Variants in IMMP2L observed in about 807,000 individuals in gnomAD.
IMMP2L encodes inner mitochondrial membrane peptidase subunit 2.
Under a neutral mutation model 19.3 loss-of-function variants are expected in IMMP2L, and 18 were observed. The ratio of observed to expected loss-of-function variants is 0.93; its 90% CI spans 0.64 to 1.38. The LOEUF is 1.38. Among genes scored for constraint, IMMP2L ranks in the 40% most tolerant of loss-of-function variants. The pLI, the probability that IMMP2L is intolerant of heterozygous loss-of-function variation, is 0.00. For synonymous variants in IMMP2L, 76 were observed against 73.0 expected (o/e 1.04, Z -0.21); for missense variants, 233 against 218.2 (o/e 1.07, Z -0.43).
chr7:111,023,682 G>T (rs1288935633), intron 3 of IMMP2L, among the ~76,000 whole-genome samples: 1 of 152,138 alleles, frequency 6.6e-6, no homozygotes, highest in African/African-American at 2.4e-5. Context: ...ACTCCAGCCT[G>T]GGTAACCAGA....
chr7:111,057,126 G>A (rs539770233), intron 3 of IMMP2L, among the ~76,000 whole-genome samples: 4 of 152,172 alleles, frequency 2.6e-5, no homozygotes, highest in Admixed American at 6.5e-5. Flanking sequence ...GGTTGCCACC[G>A]ATAATAACTA....
At chr7:111,268,569 CTTTTTTTTTTT>C (rs762576425) in intron 3 of IMMP2L, among the ~76,000 whole-genome samples, 20 of 44,590 alleles carry the variant, frequency 4.5e-4, no homozygotes, top group South Asian at 9.5e-4. Flanking sequence ...TCACATTTCT[CTTTTTTTTTTT>C]TTTTTTTTTT....
At chr7:110,977,563 ATTTCT>A (rs1820828517) in intron 3 of IMMP2L, among the ~76,000 whole-genome samples, 1 of 151,956 alleles carries the variant, frequency 6.6e-6, no homozygotes, top group Non-Finnish European at 1.5e-5. Context: ...ACTACATAAC[ATTTCT>A]GTGAAGTCTG....
chr7:111,405,306 C>T (rs556375316), intron 3 of IMMP2L, among the ~76,000 whole-genome samples: 9 of 152,116 alleles, frequency 5.9e-5, no homozygotes, highest in East Asian at 3.9e-4. Flanking sequence ...ACAGGCACCA[C>T]GAACACAGAG....
chr7:110,813,803 A>C (rs1332459895), intron 5 of IMMP2L, among the ~76,000 whole-genome samples: 2 of 151,312 alleles, frequency 1.3e-5, no homozygotes, highest in Non-Finnish European at 1.5e-5. Context: ...ATATTTATTA[A>C]CTCTACTAAA....
At chr7:111,266,170 C>T (rs1817811716) in intron 3 of IMMP2L, among the ~76,000 whole-genome samples, 1 of 152,122 alleles carries the variant, frequency 6.6e-6, no homozygotes, top group South Asian at 2.1e-4. Context: ...TCTCTACAAA[C>T]ATAAGTAATA....
rs1276532578 is a variant in IMMP2L, at chr7:111,007,938, G to A, written c.240-44373C>T. On this transcript the variant is annotated intron_variant, in intron 3 of 5. Coordinates refer to ENST00000405709, the MANE Select transcript of IMMP2L (RefSeq NM_032549.4). ...CAATTAATAGTATCTCCATCCTTCCGGGTTAAAAACATTATTGATTCCTCT... is the reference window on the plus strand; with the variant it reads ...CAATTAATAGTATCTCCATCCTTCCAGGTTAAAAACATTATTGATTCCTCT... Among the ~76,000 whole-genome samples the A allele has an allele frequency of 4.6e-5, 7 of 151,938 alleles. No individual in the cohort carries two copies. In the East Asian group the frequency reaches 5.8e-4, roughly 13 times the overall value.
chr7:110,931,645 T>A (rs1387082233), intron 4 of IMMP2L, among the ~76,000 whole-genome samples: 1 of 152,164 alleles, frequency 6.6e-6, no homozygotes, highest in African/African-American at 2.4e-5. Context: ...TTCCCTGGGT[T>A]ACTACAGAAC....
chr7:111,367,963 C>T (rs377517282), intron 3 of IMMP2L, among the ~76,000 whole-genome samples: 5 of 151,566 alleles, frequency 3.3e-5, no homozygotes, highest in Admixed American at 6.6e-5. Context: ...TTCTCCTCTT[C>T]GTTTTTCCTT....
chr7:111,221,078 C>T (rs1812463980), intron 3 of IMMP2L, among the ~76,000 whole-genome samples: 1 of 151,932 alleles, frequency 6.6e-6, no homozygotes, highest in South Asian at 2.1e-4. Context: ...CATCCTGTTG[C>T]CTAGTCAAGT....
intron 3 of IMMP2L, among the ~76,000 whole-genome samples, chr7:111,048,159 G>A (rs1487221158): frequency 1.5e-5 from 2 of 133,234 alleles, no homozygotes; most frequent in Admixed American, 1.7e-4. Context: ...AGAATGGCGT[G>A]AACCCGGGAG....
In IMMP2L at chr7:110,953,428, C is replaced by T. The variant is rs538956151; in HGVS notation, c.305+10072G>A. Among the ~76,000 whole-genome samples, 33 of 150,320 alleles carry T rather than the reference C, an allele frequency of 2.2e-4. No homozygotes were observed. In the East Asian group the frequency reaches 3.4e-3, roughly 15 times the overall value. ...GTGAGAACATGCGGTGTTTGGTTTT[C>T]GGTTCTTGTGTTAGTTTGCTGAGAA... On this transcript the variant is annotated intron_variant, in intron 4 of 5. Transcript: ENST00000405709.
At chr7:111,113,107 T>G (rs1799438017) in intron 3 of IMMP2L, among the ~76,000 whole-genome samples, 1 of 152,154 alleles carries the variant, frequency 6.6e-6, no homozygotes, top group Non-Finnish European at 1.5e-5. Context: ...CAGAGTAATG[T>G]TCCCCTCCAA....
chr7:110,918,927 A>G (rs554509208), intron 4 of IMMP2L, among the ~76,000 whole-genome samples: 2 of 152,326 alleles, frequency 1.3e-5, no homozygotes, highest in Admixed American at 1.3e-4. Flanking sequence ...CAACTACTCT[A>G]CATGCCAATA....
intron 3 of IMMP2L, among the ~76,000 whole-genome samples, chr7:111,170,750 T>A (rs1458092589): frequency 6.6e-6 from 1 of 151,856 alleles, no homozygotes; most frequent in African/African-American, 2.4e-5. Context: ...GATTCTTTTT[T>A]AAATTTTTTA....
intron 3 of IMMP2L, among the ~76,000 whole-genome samples, chr7:111,241,697 T>C (rs1243055167): frequency 2.0e-5 from 3 of 151,066 alleles, no homozygotes; most frequent in African/African-American, 4.9e-5. Context: ...TAAGTATAAA[T>C]TGTATATATA....
chr7:110,882,028 C>A (rs1027563234), intron 5 of IMMP2L, among the ~76,000 whole-genome samples: 2 of 152,118 alleles, frequency 1.3e-5, no homozygotes, highest in African/African-American at 4.8e-5. Context: ...TTGTGAAGGA[C>A]TGATTGTCTC....
intron 4 of IMMP2L, among the ~76,000 whole-genome samples, chr7:110,903,873 C>G (rs1046141128): frequency 6.6e-6 from 1 of 152,018 alleles, no homozygotes; most frequent in African/African-American, 2.4e-5. Context: ...TTTCTCCACG[C>G]CTTCACCAAT....
intron 5 of IMMP2L, among the ~76,000 whole-genome samples, chr7:110,838,553 C>A (rs1272733575): frequency 6.6e-6 from 1 of 151,608 alleles, no homozygotes; most frequent in African/African-American, 2.4e-5. Flanking sequence ...AATGGCATAT[C>A]ATAGGAGTGG....
Sources: gnomAD v4.1 joint callset for allele counts (sites outside exome capture counted in the v4.1 genomes callset) on GRCh38, gnomAD v4.1.1 for gene constraint, MANE v1.5 for transcripts, NCBI Gene and HGNC (gene_info 2026-07-23, HGNC 2026-07-21) for gene names.